Variants in PCDHGA9 observed in about 807,000 individuals in gnomAD.
PCDHGA9 encodes the protein protocadherin gamma subfamily A, 9.
Under a neutral mutation model 62.5 loss-of-function variants are expected in PCDHGA9, and 37 were observed. That is an observed-to-expected ratio of 0.59 (90% confidence interval 0.46 to 0.78). PCDHGA9 has a LOEUF of 0.78. PCDHGA9 is among the 30% of genes least tolerant of loss of function. The pLI is 0.00. For synonymous variants in PCDHGA9, 459 were observed against 484.6 expected, an observed-to-expected ratio of 0.95 and a Z score of 0.69; for missense variants, 1,138 against 1,166.2, an observed-to-expected ratio of 0.98 and a Z score of 0.35.
intron 1 of PCDHGA9, chr5:141,419,592 T>C (rs1561782617): frequency 6.2e-7 from 1 of 1,611,670 alleles, no homozygotes. Context: ...TTCGACACAG[T>C]GCCGCGGGCC....
chr5:141,435,951 G>A (rs371199258), intron 1 of PCDHGA9, among the ~76,000 whole-genome samples: 1 of 152,100 alleles, frequency 6.6e-6, no homozygotes, highest in Non-Finnish European at 1.5e-5. Context: ...ACCAAAAAAG[G>A]GGGCAAAATA....
chr5:141,458,367 G>A (rs1297876142), intron 1 of PCDHGA9, among the ~76,000 whole-genome samples: 2 of 152,130 alleles, frequency 1.3e-5, no homozygotes, highest in African/African-American at 2.4e-5. Context: ...AGAAGGAAGG[G>A]AGAAGAGAGA....
Position 141,489,826 on chromosome 5 carries a change from C to T in PCDHGA9, c.2425-4981C>T, listed in dbSNP as rs1270077118. 1 of 1,614,186 alleles carries T rather than the reference C, an allele frequency of 6.2e-7. No individual in the cohort carries two copies. The highest frequency in any genetic ancestry group is 1.7e-5 in the Admixed American group (1 of 60,028). On this transcript the variant is annotated intron_variant, in intron 1 of 3. Coordinates refer to ENST00000573521, the MANE Select transcript of PCDHGA9 (RefSeq NM_018921.3). The surrounding 1 kb of genome is among the most constrained non-coding windows in gnomAD (Gnocchi z 4.5). ...TGGGAAGCCATTCCCAGAGCTGGTGCTAGAGCAGCAGCTGGATCGTGAAGC... is the reference window on the plus strand; with the variant it reads ...TGGGAAGCCATTCCCAGAGCTGGTGTTAGAGCAGCAGCTGGATCGTGAAGC...
At chr5:141,419,331 T>G (rs2096361475) in intron 1 of PCDHGA9, 2 of 1,613,840 alleles carry the variant, frequency 1.2e-6, no homozygotes, top group Non-Finnish European at 8.5e-7. Flanking sequence ...TCCTACTCTC[T>G]CATTGCCAGC....
chr5:141,427,530 T>C (rs1302316196), intron 1 of PCDHGA9: 3 of 619,732 alleles, frequency 4.8e-6, no homozygotes, highest in Non-Finnish European at 9.0e-6. Context: ...GATCCCGGAG[T>C]ACAACGTCAC....
At chr5:141,423,022 T>C in intron 1 of PCDHGA9, 1 of 1,614,194 alleles carries the variant, frequency 6.2e-7, no homozygotes, top group Non-Finnish European at 8.5e-7. Flanking sequence ...GGACAAAGAT[T>C]CAGGCCAGAA....
chr5:141,410,119 C>T (rs1306210256), intron 1 of PCDHGA9: 2 of 1,612,822 alleles, frequency 1.2e-6, no homozygotes, highest in Middle Eastern at 1.7e-4. Flanking sequence ...ACGCAGCCCG[C>T]CAGCGCCTGC....
chr5:141,490,612 C>G lies in PCDHGA9; in HGVS notation c.2425-4195C>G, dbSNP rs1393568166. ...CAATGCACCCCGCTTCAACCAGCAG[C>G]TTTACACTGCTTACATCCTAGAAAA... On this transcript the variant is annotated intron_variant, in intron 1 of 3. Coordinates refer to ENST00000573521, the MANE Select transcript of PCDHGA9 (RefSeq NM_018921.3). This position sits in a 1 kb window ranked among gnomAD's most constrained non-coding sequence, Gnocchi z 5.4. The G allele has an allele frequency of 6.2e-7, 1 of 1,614,082 alleles. No homozygotes were observed. Among genetic ancestry groups the G allele is most frequent in the Non-Finnish European group, 8.5e-7 (1 of 1,180,032 alleles).
At position 141,404,919 on chromosome 5, in the gene PCDHGA9, C is replaced by T; in HGVS notation, c.1967C>T (p.Ala656Val). 6.2e-7 allele frequency: 1 copy of T among 1,613,924 alleles called. No homozygotes were observed. The highest frequency in any genetic ancestry group is 8.5e-7 in the Non-Finnish European group (1 of 1,179,894). ...GACCATGGCCAGCCCCCTCTCTCGG[C>T]CACTGTCACGCTCACAGTAGCCATA... ...VQDHGQPPLS[A>V]TVTLTVAIAD... Residue 656 changes from alanine (A) to valine (V), a missense_variant, in exon 1 of 4, where the codon GCC becomes GTC. Transcript: ENST00000573521.
intron 1 of PCDHGA9, among the ~76,000 whole-genome samples, chr5:141,475,504 T>C (rs1202550150): frequency 1.3e-5 from 2 of 152,254 alleles, no homozygotes; most frequent in Non-Finnish European, 2.9e-5. Flanking sequence ...AAATTATTAA[T>C]GTCTCCACGG....
chr5:141,475,381 T>G (rs1182018899), intron 1 of PCDHGA9, among the ~76,000 whole-genome samples: 3 of 152,226 alleles, frequency 2.0e-5, no homozygotes, highest in Non-Finnish European at 4.4e-5. Flanking sequence ...ACTTTTAAAT[T>G]TTATAAGCCA....
chr5:141,418,150 A>C (rs1377300460), intron 1 of PCDHGA9: 2 of 1,614,112 alleles, frequency 1.2e-6, no homozygotes, highest in Non-Finnish European at 8.5e-7. Context: ...AAATATGCAA[A>C]GAGAGAAGAA....
intron 1 of PCDHGA9, among the ~76,000 whole-genome samples, chr5:141,484,072 G>A (rs2099591675): frequency 6.6e-6 from 1 of 152,258 alleles, no homozygotes; most frequent in Admixed American, 6.5e-5. Flanking sequence ...TGAAAAGCTT[G>A]CTCTTTTGAA....
At chr5:141,505,563 T>C in intron 3 of PCDHGA9, 82 bp downstream of exon 3, 1 of 1,603,814 alleles carries the variant, frequency 6.2e-7, no homozygotes, top group Non-Finnish European at 8.5e-7. Flanking sequence ...GCCCACGGAC[T>C]GGATGTCAAA....
chr5:141,450,052 G>C (rs2098667259), intron 1 of PCDHGA9, among the ~76,000 whole-genome samples: 1 of 141,832 alleles, frequency 7.1e-6, no homozygotes, highest in African/African-American at 2.7e-5. Flanking sequence ...TTTCGCCCAG[G>C]CTGGAATGCA....
intron 2 of PCDHGA9, among the ~76,000 whole-genome samples, chr5:141,501,057 C>T (rs185929124): frequency 9.7e-4 from 147 of 151,960 alleles, no homozygotes; most frequent in African/African-American, 3.4e-3. Context: ...TTAGTAGAGA[C>T]GGGGTTTCAC....
rs756706355 is a variant in PCDHGA9 at position 141,486,950 on chromosome 5, G to C, written c.2425-7857G>C. 6.2e-7 allele frequency: 1 copy of C among 1,614,202 alleles called. No homozygotes were observed. Among genetic ancestry groups the C allele is most frequent in the East Asian group, 2.2e-5 (1 of 44,876 alleles). On this transcript the variant is annotated intron_variant, in intron 1 of 3. Coordinates refer to ENST00000573521, the MANE Select transcript of PCDHGA9 (RefSeq NM_018921.3). The surrounding 1 kb of genome is among the most constrained non-coding windows in gnomAD (Gnocchi z 5.0). ...TGGTGCTGGCCACCTAATCACAAAG[G>C]TGACTGCTGTGGACTTGGATTCAGG...
intron 1 of PCDHGA9, chr5:141,421,172 G>A: frequency 7.3e-7 from 1 of 1,366,164 alleles, no homozygotes; most frequent in Non-Finnish European, 9.8e-7. Context: ...AGATACATAA[G>A]CCGATTCACA....
At chr5:141,488,331 T>C (rs535498873) in intron 1 of PCDHGA9, among the ~76,000 whole-genome samples, 22 of 152,218 alleles carry the variant, frequency 1.4e-4, no homozygotes, top group Non-Finnish European at 3.1e-4. Context: ...TACAGTTGGC[T>C]GATTCATAGA....
Sources: gnomAD v4.1 joint callset for allele counts (sites outside exome capture counted in the v4.1 genomes callset) on GRCh38, gnomAD v4.1.1 for gene constraint, Gnocchi (gnomAD v3.1) non-coding constraint, MANE v1.5 for transcripts, NCBI Gene and HGNC (gene_info 2026-07-23, HGNC 2026-07-21) for gene names.